The following PEAR1 variants were observed in gnomAD, a reference collection of about 807,000 sequenced individuals.
PEAR1 encodes multiple EGF-like domains protein 12.
A neutral mutation model predicts 131.2 loss-of-function variants in PEAR1; 113 were observed. The observed-to-expected ratio is 0.86, with a 90% CI of 0.74 to 1.01. The LOEUF is 1.01. Ranked by LOEUF, PEAR1 falls within the 50% of genes least tolerant of loss-of-function variation. PEAR1 has a pLI of 0.00. For synonymous variants in PEAR1, 565 were observed against 523.3 expected, an observed-to-expected ratio of 1.08 and a Z score of -1.09; for missense variants, 1,408 against 1,391.1, an observed-to-expected ratio of 1.01 and a Z score of -0.19.
chr1:156,895,906 T>C (rs1478119020), intron 1 of PEAR1, among the ~76,000 whole-genome samples: 1 of 150,994 alleles, frequency 6.6e-6, no homozygotes, highest in Non-Finnish European at 1.5e-5. Flanking sequence ...CATAATGAGA[T>C]TGCATCCCTA....
At position 156,913,744 on chromosome 1, in the gene PEAR1, C is replaced by A. The variant is rs1280469369; in HGVS notation, c.2697C>A (p.Gly899=). ...GCTATAGCTACAGCAATGGCCCAGG[C>A]CCATTCTACAATAAAGGTATGGGCA... ...SYSYSYSNGP[G]PFYNKGLISE... Residue 899 remains glycine (G), a synonymous_variant, in exon 21 of 23, where the codon GGC becomes GGA. Coordinates refer to ENST00000292357, the MANE Select transcript of PEAR1 (RefSeq NM_001080471.3). 1 of 1,614,056 alleles carries A rather than the reference C, an allele frequency of 6.2e-7. No individual in the cohort carries two copies. The highest frequency in any genetic ancestry group is 8.5e-7 in the Non-Finnish European group (1 of 1,179,998).
intron 14 of PEAR1, 81 bp downstream of exon 14, chr1:156,910,461 C>G: frequency 6.5e-7 from 1 of 1,540,584 alleles, no homozygotes; most frequent in Non-Finnish European, 8.8e-7. Flanking sequence ...CCTCCCCCCG[C>G]GCCCGCCGCC....
At chr1:156,906,444 C>A in intron 5 of PEAR1, 76 bp downstream of exon 5, 1 of 1,572,898 alleles carries the variant, frequency 6.4e-7, no homozygotes, top group Non-Finnish European at 8.7e-7. Context: ...ACCCTCCCTA[C>A]CAGGGCACAG....
chr1:156,912,402 C>A (rs1452029825), intron 16 of PEAR1, 27 bp downstream of exon 16: 1 of 1,607,630 alleles, frequency 6.2e-7, no homozygotes, highest in Non-Finnish European at 8.5e-7. Context: ...AACTCCAGGC[C>A]CCTGCCTCCA....
intron 20 of PEAR1, 67 bp downstream of exon 20, chr1:156,913,590 T>C: frequency 3.1e-6 from 5 of 1,601,402 alleles, no homozygotes; most frequent in Non-Finnish European, 4.3e-6. Flanking sequence ...CGCGTCTGAG[T>C]GTGTGTGTCT....
Position 156,910,030 on chromosome 1 carries a change from G to A in PEAR1, c.1600G>A (p.Ala534Thr), listed in dbSNP as rs149180095. The A allele has an allele frequency of 1.9e-5, 30 of 1,613,912 alleles. 1 individual carries two copies. The highest frequency in any genetic ancestry group is 2.5e-5 in the Non-Finnish European group (29 of 1,180,040). ...GAAGGGGCAGTTTGGAGAAGGTTGT[G>A]CCAGTCGCTGTGACTGTGACCACTC... is the stretch of plus-strand genomic sequence containing the variant. Reference protein sequence around the residue: ...CPKGQFGEGCASRCDCDHSDG... With the variant: ...CPKGQFGEGCTSRCDCDHSDG... Residue 534 changes from alanine (A) to threonine (T), a missense_variant, in exon 13 of 23, where the codon GCC becomes ACC. Transcript: ENST00000292357.
rs759717615 is a variant in PEAR1, at chr1:156,912,362, C to A, written c.2067C>A (p.His689Gln). ...SCICPLGWTG[H>Q]HCLEGCPLGT... is the part of the protein sequence containing the mutation. ...TCTGCCCCCTAGGCTGGACTGGACA[C>A]CACTGCTTAGAAGGTACCAACAGAA... Residue 689 changes from histidine (H) to glutamine (Q), a missense_variant, in exon 16 of 23, where the codon CAC (histidine) becomes CAA (glutamine). Coordinates refer to ENST00000292357, the MANE Select transcript of PEAR1 (RefSeq NM_001080471.3). The A allele has an allele frequency of 1.4e-5, 22 of 1,613,630 alleles. No individual in the cohort carries two copies. The highest frequency in any genetic ancestry group is 1.9e-5 in the Non-Finnish European group (22 of 1,179,822).
chr1:156,912,055 G>C (rs1651268373), intron 15 of PEAR1, among the ~76,000 whole-genome samples, 192 bp from the exon 16 acceptor site: 1 of 152,178 alleles, frequency 6.6e-6, no homozygotes, highest in Non-Finnish European at 1.5e-5. Flanking sequence ...TGGACACGTG[G>C]GTCTGGAGTT....
At chr1:156,895,447 A>G (rs1225977159) in intron 1 of PEAR1, among the ~76,000 whole-genome samples, 2 of 152,224 alleles carry the variant, frequency 1.3e-5, no homozygotes, top group African/African-American at 2.4e-5. Context: ...CCCAGGACTC[A>G]TGGGGGACCC....
rs1558143354 is a variant in PEAR1 at position 156,911,045 on chromosome 1, C to CTTTCTTTCTTTT, written c.1951+313_1951+314insTTTTCTTTCTTT. 2.1e-3 allele frequency among the ~76,000 whole-genome samples: 202 copies of CTTTCTTTCTTTT among 97,878 alleles called. 2 individuals are homozygous for CTTTCTTTCTTTT. The highest frequency in any genetic ancestry group is 9.8e-3 in the African/African-American group (187 of 19,038). The allele number at this position is 97,878 out of a possible 152,430, so 64.2% of individuals were successfully genotyped here. The stretch of plus-strand genomic sequence containing the variant: ...ATTTTCTCTTGATTTCTTTTTCTTT[C>CTTTCTTTCTTTT]TTTCTTTCTTTCTTTCTTTCTTTCT... On this transcript the variant is annotated intron_variant, in intron 15 of 22. Coordinates refer to ENST00000292357, the MANE Select transcript of PEAR1 (RefSeq NM_001080471.3).
chr1:156,905,082 T>TGGG lies in PEAR1; in HGVS notation c.207-234_207-232dup, dbSNP rs78436112. ...ATGTTACAGTATATGCCTGTGGGGT[T>TGGG]GGGGGGGGGGCAAGAAGGGAATGCT... On this transcript the variant is annotated intron_variant, in intron 3 of 22. Transcript: ENST00000292357. 4.3e-5 allele frequency: 38 copies of TGGG among 881,012 alleles called. No homozygotes were observed. The African/African-American group carries it at 5.2e-4, about 12-fold the overall frequency. The allele number at this position is 881,012 out of a possible 1,614,324, so 54.6% of individuals were successfully genotyped here.
In PEAR1 at chr1:156,908,754, G is replaced by A. The variant is rs1208320777; in HGVS notation, c.1215G>A (p.Gln405=). The change falls in exon 10 of 23, where the codon CAG becomes CAA. Residue 405 remains glutamine, a synonymous_variant. Transcript: ENST00000292357. This position sits in a 1 kb window ranked among gnomAD's most constrained non-coding sequence, Gnocchi z 4.2. Reference sequence around the variant, plus strand: ...AGGACACGCATGGGCCAGGGTGCCAGGAGCACTGTCTCTGCCTGCACGGTG... The same window carrying A: ...AGGACACGCATGGGCCAGGGTGCCAAGAGCACTGTCTCTGCCTGCACGGTG... ...CPQDTHGPGC[Q]EHCLCLHGGV... The A allele has an allele frequency of 6.3e-7, 1 of 1,584,860 alleles. No homozygotes were observed. The highest frequency in any genetic ancestry group is 8.6e-7 in the Non-Finnish European group (1 of 1,168,486).
In PEAR1 at chr1:156,913,678, C is replaced by G; in HGVS notation, c.2645-14C>G. ...GGACAGAGGGCTGATTACCAGTTGC[C>G]TCCTCCTCCTCAGGGAGCAGCCGCC... On this transcript the variant is annotated splice_polypyrimidine_tract_variant and intron_variant, in intron 20 of 22. Coordinates refer to ENST00000292357, the MANE Select transcript of PEAR1 (RefSeq NM_001080471.3). 6.2e-7 allele frequency: 1 copy of G among 1,611,458 alleles called. No homozygotes were observed. The highest frequency in any genetic ancestry group is 1.1e-5 in the South Asian group (1 of 90,698).
At chr1:156,901,260 A>G (rs1237336703) in intron 1 of PEAR1, among the ~76,000 whole-genome samples, 29 of 152,134 alleles carry the variant, frequency 1.9e-4, no homozygotes, top group Admixed American at 1.4e-3. Flanking sequence ...CTAACCTCCC[A>G]GCCAGCCAGA....
chr1:156,913,937 C>G lies in PEAR1; in HGVS notation c.2799C>G (p.Ser933Arg). Residue 933 changes from serine (S) to arginine (R), a missense_variant, in exon 22 of 23, where the codon AGC (serine) becomes AGG (arginine). Physicochemically the swap from Ser to Arg is moderately radical, Grantham distance 110 (BLOSUM62 -1). Transcript: ENST00000292357. The stretch of plus-strand genomic sequence containing the variant: ...ATGCCACCATCCGGGACCTGCCCAG[C>G]TTGCCAGGGGGCCCCCGGGAGAGCA... ...NPYATIRDLP[S>R]LPGGPRESSY... The G allele has an allele frequency of 6.2e-7, 1 of 1,614,070 alleles. No homozygotes were observed. The highest frequency in any genetic ancestry group is 8.5e-7 in the Non-Finnish European group (1 of 1,180,000).
Position 156,908,057 on chromosome 1 carries a change from T to G in PEAR1, c.902+6T>G, listed in dbSNP as rs570077422. 5.6e-4 allele frequency: 518 copies of G among 925,246 alleles called. 1 individual carries two copies. Among genetic ancestry groups the G allele is most frequent in the Admixed American group, 1.6e-3 (73 of 46,424 alleles). The allele number at this position is 925,246 out of a possible 1,614,324, so 57.3% of individuals were successfully genotyped here. On this transcript the variant is annotated splice_donor_region_variant and intron_variant, in intron 8 of 22. Transcript: ENST00000292357. This position sits in a 1 kb window ranked among gnomAD's most constrained non-coding sequence, Gnocchi z 4.2. ...CCGGGTTACACTGGGGATCGGTGAG[T>G]GGCGTGGGGCGGGCGGGAGACGGGA... is the stretch of plus-strand genomic sequence containing the variant.
At position 156,906,892 on chromosome 1, in the gene PEAR1, G is replaced by A. The variant is rs1558133325; in HGVS notation, c.644+12G>A. On this transcript the variant is annotated intron_variant, in intron 6 of 22. Transcript: ENST00000292357. ...AGAACTGGGCCCAGGTATGTAATGG[G>A]GGGAACGACACTTTAACAAGATCGC... is the stretch of plus-strand genomic sequence containing the variant. The A allele has an allele frequency of 6.2e-7, 1 of 1,612,260 alleles. No individual in the cohort carries two copies.
rs531237183 is a variant in PEAR1, at chr1:156,914,958, G to T, written c.*160G>T. 2.4e-5 allele frequency: 19 copies of T among 807,210 alleles called. No homozygotes were observed. Among genetic ancestry groups the T allele is most frequent in the Non-Finnish European group, 3.3e-5 (18 of 551,032 alleles). The allele number at this position is 807,210 out of a possible 1,614,324, so 50.0% of individuals were successfully genotyped here. A position where few individuals can be genotyped will look rare whatever the true frequency, so the allele number is the denominator to read the frequency against. ...CAAGTGATGGGAGCCTTGTTCCTGG[G>T]TTCTACCATGGGAGACGCTGATCAG... On this transcript the variant is annotated 3_prime_UTR_variant, in exon 23 of 23. Transcript: ENST00000292357.
chr1:156,899,779 A>G (rs1649498709), intron 1 of PEAR1, among the ~76,000 whole-genome samples: 1 of 152,002 alleles, frequency 6.6e-6, no homozygotes, highest in Non-Finnish European at 1.5e-5. Flanking sequence ...TAGGTGAGGG[A>G]ACTGCAGGCT....
Sources: allele counts gnomAD v4.1 joint callset (sites outside exome capture counted in the v4.1 genomes callset), GRCh38; gene constraint gnomAD v4.1.1; non-coding constraint Gnocchi (gnomAD v3.1); transcripts MANE v1.5; gene names NCBI Gene and HGNC (gene_info 2026-07-23, HGNC 2026-07-21).